ULK2: variants seen among roughly 807,000 people sequenced by gnomAD.
The protein encoded by ULK2 is serine/threonine-protein kinase ULK2.
ULK2 carries 76 observed loss-of-function variants against 127.5 expected under a neutral mutation model. The observed-to-expected ratio is 0.60, with a 90% CI of 0.50 to 0.72. ULK2 has a LOEUF of 0.72. Among genes scored for constraint, ULK2 ranks in the 30% least tolerant of loss-of-function variants. ULK2 has a pLI of 0.00. For missense variants in ULK2, 1,144 were observed against 1,295.9 expected (o/e 0.88, Z 1.80); for synonymous variants, 452 against 461.9 (o/e 0.98, Z 0.28).
At chr17:19,846,498 G>T (rs913625275) in intron 6 of ULK2, among the ~76,000 whole-genome samples, 1 of 151,832 alleles carries the variant, frequency 6.6e-6, no homozygotes, top group African/African-American at 2.4e-5. Context: ...AATTTAGCTG[G>T]GCGTAGTGGT....
chr17:19,856,955 T>C (rs1160799116), intron 3 of ULK2, among the ~76,000 whole-genome samples: 1 of 111,928 alleles, frequency 8.9e-6, no homozygotes, highest in Non-Finnish European at 1.6e-5. Flanking sequence ...CCAGCCTTGG[T>C]GACAAAGCGA....
chr17:19,797,789 A>G, intron 17 of ULK2, 107 bp from the exon 18 acceptor site: 5 of 1,085,830 alleles, frequency 4.6e-6, no homozygotes, highest in Non-Finnish European at 6.2e-6. Flanking sequence ...TAAATATCTT[A>G]TTTTTCATAA....
At chr17:19,782,378 A>G (rs937760961) in intron 22 of ULK2, among the ~76,000 whole-genome samples, 7 of 152,238 alleles carry the variant, frequency 4.6e-5, no homozygotes, top group African/African-American at 1.7e-4. Context: ...TACATGAGAC[A>G]AAAACGTGAC....
intron 25 of ULK2, among the ~76,000 whole-genome samples, chr17:19,778,504 C>T (rs2152380832): frequency 6.6e-6 from 1 of 152,244 alleles, no homozygotes; most frequent in African/African-American, 2.4e-5. Flanking sequence ...CAGGGGTTTC[C>T]CCATCGACAT....
chr17:19,859,507 T>C (rs940239184), intron 3 of ULK2, among the ~76,000 whole-genome samples: 2 of 152,104 alleles, frequency 1.3e-5, no homozygotes, highest in East Asian at 1.9e-4. Context: ...ACAGAAAGAA[T>C]TGGTATAATC....
rs190135986 is a variant in ULK2 at position 19,835,800 on chromosome 17, T to A, written c.787+2701A>T. Among the ~76,000 whole-genome samples, 17 of 149,792 alleles carry A rather than the reference T, an allele frequency of 1.1e-4. No individual in the cohort carries two copies. The East Asian group carries it at 3.4e-3, about 30-fold the overall frequency. ...AGTACAAAAAAGCCAGAACACTCAATGAAAGAATTTAAATGGCACACTAGA... is the reference window on the plus strand; with the variant it reads ...AGTACAAAAAAGCCAGAACACTCAAAGAAAGAATTTAAATGGCACACTAGA... On this transcript the variant is annotated intron_variant, in intron 10 of 26. Coordinates refer to ENST00000395544, the MANE Select transcript of ULK2 (RefSeq NM_014683.4).
At chr17:19,789,155 A>G (rs145294664) in intron 20 of ULK2, among the ~76,000 whole-genome samples, 248 of 152,344 alleles carry the variant, frequency 1.6e-3, no homozygotes, top group Non-Finnish European at 2.9e-3. Flanking sequence ...TGCTGGCTTC[A>G]GGTCTAACCC....
At chr17:19,831,585 G>T (rs1040092355) in intron 10 of ULK2, among the ~76,000 whole-genome samples, 9 of 152,180 alleles carry the variant, frequency 5.9e-5, no homozygotes, top group African/African-American at 2.2e-4. Flanking sequence ...AACACTTTGG[G>T]AGGCCAAGGC....
intron 3 of ULK2, among the ~76,000 whole-genome samples, chr17:19,858,520 T>C (rs2042178434): frequency 6.6e-6 from 1 of 152,124 alleles, no homozygotes; most frequent in African/African-American, 2.4e-5. Flanking sequence ...CGCCTGTACA[T>C]CTCATTAACC....
chr17:19,866,224 G>A (rs943330021), intron 1 of ULK2, among the ~76,000 whole-genome samples: 2 of 152,074 alleles, frequency 1.3e-5, no homozygotes, highest in Non-Finnish European at 2.9e-5. Flanking sequence ...GCCGGGAGCC[G>A]TGGCTCACAC....
chr17:19,827,898 G>A (rs1441008229), intron 10 of ULK2, among the ~76,000 whole-genome samples: 6 of 145,896 alleles, frequency 4.1e-5, no homozygotes, highest in Non-Finnish European at 6.0e-5. Context: ...CACCAAGGGC[G>A]AAACTCTGTC....
At chr17:19,806,082 A>C (rs1169599609) in intron 14 of ULK2, among the ~76,000 whole-genome samples, 1 of 152,184 alleles carries the variant, frequency 6.6e-6, no homozygotes, top group East Asian at 1.9e-4. Flanking sequence ...ACAAAATCCC[A>C]AAAACACAAA....
At chr17:19,843,279 A>G in intron 7 of ULK2, 57 bp from the exon 8 acceptor site, 36 of 1,102,584 alleles carry the variant, frequency 3.3e-5, no homozygotes, top group Non-Finnish European at 4.2e-5. Flanking sequence ...ATTAATATGC[A>G]CATATTAATT....
Position 19,849,423 on chromosome 17 carries a change from A to G in ULK2, c.259-18T>C. The G allele has an allele frequency of 1.3e-6, 2 of 1,599,192 alleles. No homozygotes were observed. The highest frequency in any genetic ancestry group is 1.7e-6 in the Non-Finnish European group (2 of 1,169,848). Reference sequence around the variant, plus strand: ...TTGCAATACTGACATAGAAAAGAGAAAGTAATGAAAATAAGGACAGTGATT... The same window carrying G: ...TTGCAATACTGACATAGAAAAGAGAGAGTAATGAAAATAAGGACAGTGATT... On this transcript the variant is annotated intron_variant, in intron 4 of 26. Coordinates refer to ENST00000395544, the MANE Select transcript of ULK2 (RefSeq NM_014683.4).
At chr17:19,783,345 T>G (rs205092) in intron 22 of ULK2, among the ~76,000 whole-genome samples, 142,555 of 152,100 alleles carry the variant, frequency 0.94, 66,973 homozygotes, top group Non-Finnish European at 0.97. Flanking sequence ...CAGCTACTCG[T>G]GGGGGCTGAG....
intron 3 of ULK2, among the ~76,000 whole-genome samples, chr17:19,850,472 C>T (rs1028218958): frequency 6.6e-6 from 1 of 152,100 alleles, no homozygotes; most frequent in African/African-American, 2.4e-5. Context: ...ATAACGATAA[C>T]TAAAATTTAG....
chr17:19,819,495 G>A (rs949505718), intron 12 of ULK2, among the ~76,000 whole-genome samples: 7 of 152,282 alleles, frequency 4.6e-5, no homozygotes, highest in East Asian at 1.9e-4. Context: ...GTACTTACCC[G>A]AGTGACCATG....
chr17:19,814,429 TATATATATA>T (rs1338358071), intron 13 of ULK2, among the ~76,000 whole-genome samples: 4 of 16,712 alleles, frequency 2.4e-4, no homozygotes, highest in African/African-American at 8.5e-4. Flanking sequence ...TATATATATA[TATATATATA>T]TTTTTTTTTT....
intron 14 of ULK2, among the ~76,000 whole-genome samples, chr17:19,809,969 C>T (rs989453154): frequency 1.3e-5 from 2 of 152,008 alleles, no homozygotes; most frequent in African/African-American, 4.8e-5. Flanking sequence ...CGGTGGCTCA[C>T]GCCTATAATC....
Sources: allele counts gnomAD v4.1 joint callset (sites outside exome capture counted in the v4.1 genomes callset), GRCh38; gene constraint gnomAD v4.1.1; transcripts MANE v1.5; gene names NCBI Gene and HGNC (gene_info 2026-07-23, HGNC 2026-07-21).